The following CRPPA variants were observed in gnomAD, a reference collection of about 807,000 sequenced individuals.
The protein encoded by CRPPA is CDP-L-ribitol pyrophosphorylase A.
CRPPA carries 43 observed loss-of-function variants against 52.0 expected under a neutral mutation model. That is an observed-to-expected ratio of 0.83 (90% CI 0.65 to 1.07). The LOEUF (loss-of-function observed/expected upper bound fraction) is 1.07, where lower values mean the gene tolerates loss of function less well. Ranked by LOEUF, CRPPA falls within the 50% of genes least tolerant of loss-of-function variation. The pLI is 0.00. For missense variants in CRPPA, 629 were observed against 551.7 expected (o/e 1.14, Z -1.40); for synonymous variants, 250 against 203.5 (o/e 1.23, Z -1.94).
chr7:16,318,168 C>A (rs1273845519), intron 3 of CRPPA, among the ~76,000 whole-genome samples: 1 of 152,122 alleles, frequency 6.6e-6, no homozygotes, highest in South Asian at 2.1e-4. Flanking sequence ...GTTAGAAAAC[C>A]TATTTTCTTA....
chr7:16,376,406 TA>T (rs376172562), intron 2 of CRPPA, among the ~76,000 whole-genome samples, 165 bp from the exon 3 acceptor site: 1 of 151,896 alleles, frequency 6.6e-6, no homozygotes, highest in Non-Finnish European at 1.5e-5. Context: ...TTATTTCAGG[TA>T]AAAAAAATCA....
intron 1 of CRPPA, among the ~76,000 whole-genome samples, chr7:16,410,865 A>G (rs1021568491): frequency 3.3e-5 from 5 of 152,062 alleles, no homozygotes; most frequent in African/African-American, 9.7e-5. Flanking sequence ...CATACTCATC[A>G]GTTCTGACTT....
chr7:16,415,857 C>G (rs1387323563), intron 1 of CRPPA, among the ~76,000 whole-genome samples: 1 of 152,158 alleles, frequency 6.6e-6, no homozygotes, highest in Non-Finnish European at 1.5e-5. Context: ...AGAGGCAAGA[C>G]TAGCCATGTT....
chr7:16,364,433 T>A (rs1485383920), intron 3 of CRPPA, among the ~76,000 whole-genome samples: 1 of 152,206 alleles, frequency 6.6e-6, no homozygotes, highest in Non-Finnish European at 1.5e-5. Context: ...AATGGAGGCA[T>A]CTGAAGAACT....
chr7:16,341,145 A>G lies in CRPPA; in HGVS notation c.685-32518T>C, dbSNP rs574615854. ...AATTTTTGAGGCAGTGAAATATCCT[A>G]TGTAATATTATAATGGTAGATACAT... is the stretch of plus-strand genomic sequence containing the variant. On this transcript the variant is annotated intron_variant, in intron 3 of 9. Coordinates refer to ENST00000407010, the MANE Select transcript of CRPPA (RefSeq NM_001101426.4). Among the ~76,000 whole-genome samples the G allele has an allele frequency of 4.6e-4, 70 of 152,276 alleles. No individual in the cohort carries two copies. The South Asian group carries it at 0.013, about 28-fold the overall frequency.
chr7:16,394,494 G>T (rs1787521593), intron 2 of CRPPA, among the ~76,000 whole-genome samples: 1 of 152,074 alleles, frequency 6.6e-6, no homozygotes, highest in South Asian at 2.1e-4. Flanking sequence ...TTCATTGGGG[G>T]GATTAAATAA....
chr7:16,254,281 A>C (rs1783551346), intron 8 of CRPPA, among the ~76,000 whole-genome samples: 1 of 152,184 alleles, frequency 6.6e-6, no homozygotes, highest in Non-Finnish European at 1.5e-5. Context: ...ATAAAGACGC[A>C]TGCACACCTA....
chr7:16,288,602 T>C (rs982827559), intron 5 of CRPPA, among the ~76,000 whole-genome samples: 5 of 151,848 alleles, frequency 3.3e-5, no homozygotes, highest in African/African-American at 1.2e-4. Context: ...TCCCAGCATT[T>C]TGGGAGGCCA....
chr7:16,253,039 T>A (rs967123947), intron 8 of CRPPA, among the ~76,000 whole-genome samples: 1 of 152,168 alleles, frequency 6.6e-6, no homozygotes, highest in African/African-American at 2.4e-5. Context: ...ATTTTGTTGA[T>A]CTTTTCAAAA....
At chr7:16,362,006 C>T (rs1333216688) in intron 3 of CRPPA, among the ~76,000 whole-genome samples, 2 of 150,968 alleles carry the variant, frequency 1.3e-5, no homozygotes, top group Admixed American at 6.6e-5. Context: ...AGGCACCTGC[C>T]ATCACGCCCA....
At chr7:16,199,762 T>C (rs1781808066) in intron 9 of CRPPA, among the ~76,000 whole-genome samples, 1 of 152,170 alleles carries the variant, frequency 6.6e-6, no homozygotes, top group Non-Finnish European at 1.5e-5. Context: ...GTTTCTGGTT[T>C]CCAGATTTTG....
In CRPPA at chr7:16,124,901, A is replaced by C. The variant is rs754684621; in HGVS notation, c.1252-33102T>G. On this transcript the variant is annotated intron_variant, in intron 9 of 9. Transcript: ENST00000407010. ...TATATATAATCTCCTATTTTCATTG[A>C]GGAGTGGAAAGAGGAAGACAAAAAA... Among the ~76,000 whole-genome samples, 4 of 152,056 alleles carry C rather than the reference A, an allele frequency of 2.6e-5. No homozygotes were observed. The South Asian group carries it at 8.3e-4, about 31-fold the overall frequency.
At chr7:16,376,310 T>A in intron 2 of CRPPA, 69 bp from the exon 3 acceptor site, 2 of 1,451,182 alleles carry the variant, frequency 1.4e-6, no homozygotes, top group Middle Eastern at 1.8e-4. Flanking sequence ...CTGAATTCAG[T>A]ATCTCACTTT....
chr7:16,299,564 G>A, intron 5 of CRPPA, among the ~76,000 whole-genome samples: 1 of 152,164 alleles, frequency 6.6e-6, no homozygotes, highest in Non-Finnish European at 1.5e-5. Context: ...CCCCAGAGCA[G>A]TGATCCTCAA....
intron 8 of CRPPA, among the ~76,000 whole-genome samples, chr7:16,234,873 T>TA (rs369542767): frequency 0.021 from 3,130 of 151,900 alleles, 122 homozygotes; most frequent in African/African-American, 0.071. Context: ...AGTAAACAAT[T>TA]AAAAAAAGAA....
intron 2 of CRPPA, among the ~76,000 whole-genome samples, chr7:16,381,658 T>C (rs915492250): frequency 1.3e-5 from 2 of 151,852 alleles, no homozygotes; most frequent in African/African-American, 2.4e-5. Context: ...GGACTTGCTT[T>C]ATGAATCTGG....
At chr7:16,352,814 G>A (rs529311725) in intron 3 of CRPPA, among the ~76,000 whole-genome samples, 3 of 151,330 alleles carry the variant, frequency 2.0e-5, no homozygotes, top group South Asian at 2.1e-4. Context: ...ACTGCAGGAC[G>A]TCACATTAGC....
intron 3 of CRPPA, among the ~76,000 whole-genome samples, chr7:16,332,932 C>T (rs764259743): frequency 3.8e-4 from 58 of 150,936 alleles, no homozygotes; most frequent in Non-Finnish European, 6.2e-4. Flanking sequence ...AGTAAATGGA[C>T]GGAAAAAAAA....
chr7:16,213,163 G>A (rs1368343580), intron 9 of CRPPA, among the ~76,000 whole-genome samples: 3 of 152,136 alleles, frequency 2.0e-5, no homozygotes, highest in East Asian at 3.9e-4. Flanking sequence ...GAAACATTCT[G>A]TCTCTGTAAG....
Sources: allele counts gnomAD v4.1 joint callset (sites outside exome capture counted in the v4.1 genomes callset), GRCh38; gene constraint gnomAD v4.1.1; transcripts MANE v1.5; gene names NCBI Gene and HGNC (gene_info 2026-07-23, HGNC 2026-07-21).